Variants in ELAVL2 observed in about 807,000 individuals in gnomAD.
The protein encoded by ELAVL2 is ELAV like RNA binding protein 2.
Under a neutral mutation model 34.6 loss-of-function variants are expected in ELAVL2, and 4 were observed. The ratio of observed to expected loss-of-function variants is 0.12; its 90% CI spans 0.06 to 0.26. The LOEUF (loss-of-function observed/expected upper bound fraction) is 0.26, where lower values mean the gene tolerates loss of function less well. Among genes scored for constraint, ELAVL2 ranks in the 10% least tolerant of loss-of-function variants. The pLI is 1.00. For missense variants in ELAVL2, 432 were observed against 442.8 expected (o/e 0.98, Z 0.22); for synonymous variants, 193 against 154.8 (o/e 1.25, Z -1.83).
chr9:23,820,405 G>A (rs1469156642), intron 1 of ELAVL2, among the ~76,000 whole-genome samples: 2 of 152,144 alleles, frequency 1.3e-5, no homozygotes, highest in African/African-American at 4.8e-5. Context: ...CTTTGAGGGA[G>A]GGAATAAAGG....
At chr9:23,791,573 T>C (rs1039647818) in intron 1 of ELAVL2, among the ~76,000 whole-genome samples, 2 of 152,148 alleles carry the variant, frequency 1.3e-5, no homozygotes, top group South Asian at 2.1e-4. Flanking sequence ...TAAGGCTAAA[T>C]GAGGTCATAA....
chr9:23,755,151 C>A (rs1476512205), intron 2 of ELAVL2, among the ~76,000 whole-genome samples: 1 of 152,096 alleles, frequency 6.6e-6, no homozygotes, highest in African/African-American at 2.4e-5. Context: ...ACACAAAATA[C>A]GAGCAAAAAT....
At chr9:23,791,519 A>C (rs1344306124) in intron 1 of ELAVL2, among the ~76,000 whole-genome samples, 9 of 152,216 alleles carry the variant, frequency 5.9e-5, no homozygotes, top group Non-Finnish European at 2.9e-5. Flanking sequence ...GTAACTACAC[A>C]ACCACTCTGT....
intron 4 of ELAVL2, among the ~76,000 whole-genome samples, chr9:23,701,923 C>G (rs2037394589): frequency 6.6e-6 from 1 of 152,148 alleles, no homozygotes. Context: ...CTCCCGTACA[C>G]TCTTTTAATG....
chr9:23,714,795 G>T (rs1309573874), intron 3 of ELAVL2, among the ~76,000 whole-genome samples: 2 of 151,830 alleles, frequency 1.3e-5, no homozygotes, highest in Non-Finnish European at 2.9e-5. Flanking sequence ...GATTCAATAT[G>T]ATTTCCCAGT....
At chr9:23,705,316 G>C (rs1338591611) in intron 3 of ELAVL2, among the ~76,000 whole-genome samples, 2 of 152,136 alleles carry the variant, frequency 1.3e-5, no homozygotes, top group Admixed American at 6.5e-5. Context: ...CTAGCCTACT[G>C]CAAGGGACAG....
At chr9:23,699,812 G>GTTTTTTGTTTTTTTT (rs2036519393) in intron 5 of ELAVL2, among the ~76,000 whole-genome samples, 2 of 82,970 alleles carry the variant, frequency 2.4e-5, no homozygotes, top group Non-Finnish European at 4.7e-5. Context: ...GGTGGCAAAG[G>GTTTTTTGTTTTTTTT]TTTTTTTTTT....
At chr9:23,718,508 C>G (rs2042873710) in intron 3 of ELAVL2, among the ~76,000 whole-genome samples, 1 of 152,060 alleles carries the variant, frequency 6.6e-6, no homozygotes, top group Admixed American at 6.6e-5. Context: ...AAAGCAGTAA[C>G]AGCAAACACT....
intron 1 of ELAVL2, among the ~76,000 whole-genome samples, chr9:23,792,919 C>A (rs144826777): frequency 6.6e-6 from 1 of 152,196 alleles, no homozygotes; most frequent in African/African-American, 2.4e-5. Context: ...TACAGGCATG[C>A]ATCACCACAC....
At chr9:23,768,835 G>T (rs1392470851) in intron 1 of ELAVL2, among the ~76,000 whole-genome samples, 2 of 152,150 alleles carry the variant, frequency 1.3e-5, no homozygotes, top group Admixed American at 6.5e-5. Context: ...AAATTAAACA[G>T]ATCTTGAAGA....
At chr9:23,822,586 C>T (rs562546848) in intron 1 of ELAVL2, among the ~76,000 whole-genome samples, 3 of 152,304 alleles carry the variant, frequency 2.0e-5, no homozygotes, top group Middle Eastern at 3.4e-3. Flanking sequence ...TCCTCAGACC[C>T]GGCCCCACGG....
At chr9:23,730,676 G>C (rs1311817082) in intron 3 of ELAVL2, among the ~76,000 whole-genome samples, 2 of 152,020 alleles carry the variant, frequency 1.3e-5, no homozygotes, top group Admixed American at 6.6e-5. Flanking sequence ...GCAAAACCTT[G>C]CTTATTCACT....
At chr9:23,727,336 A>G (rs1029723581) in intron 3 of ELAVL2, among the ~76,000 whole-genome samples, 1 of 152,124 alleles carries the variant, frequency 6.6e-6, no homozygotes, top group African/African-American at 2.4e-5. Context: ...GTTGTTTTCA[A>G]TTTCTATGCC....
At chr9:23,820,901 A>AGCTGCGACCTCGCGCG (rs2064531854) in intron 1 of ELAVL2, among the ~76,000 whole-genome samples, 1 of 152,084 alleles carries the variant, frequency 6.6e-6, no homozygotes, top group Non-Finnish European at 1.5e-5. Context: ...TGTGACCGCG[A>AGCTGCGACCTCGCGCG]GCTGCGACCT....
chr9:23,701,984 G>C (rs564617770), intron 4 of ELAVL2, among the ~76,000 whole-genome samples: 2 of 152,246 alleles, frequency 1.3e-5, no homozygotes, highest in African/African-American at 4.8e-5. Flanking sequence ...TGGATAAGCA[G>C]CTCAGAAATG....
At chr9:23,750,164 T>C (rs917075900) in intron 2 of ELAVL2, among the ~76,000 whole-genome samples, 1 of 152,002 alleles carries the variant, frequency 6.6e-6, no homozygotes, top group Non-Finnish European at 1.5e-5. Flanking sequence ...AGAACTAAAA[T>C]ATCAAATAGA....
intron 1 of ELAVL2, among the ~76,000 whole-genome samples, chr9:23,805,276 C>T (rs1473511694): frequency 6.6e-6 from 1 of 152,182 alleles, no homozygotes; most frequent in African/African-American, 2.4e-5. Flanking sequence ...CCAAAGCACC[C>T]TCATGGCTAC....
At chr9:23,742,016 T>C (rs983438294) in intron 2 of ELAVL2, among the ~76,000 whole-genome samples, 1 of 152,162 alleles carries the variant, frequency 6.6e-6, no homozygotes, top group African/African-American at 2.4e-5. Flanking sequence ...GGAGGATCCA[T>C]ACTTCCTTGG....
At chr9:23,727,092 T>C (rs1241308732) in intron 3 of ELAVL2, among the ~76,000 whole-genome samples, 1 of 152,116 alleles carries the variant, frequency 6.6e-6, no homozygotes, top group Non-Finnish European at 1.5e-5. Flanking sequence ...TTTTGTAATA[T>C]TCACACTTTA....
Sources: allele counts gnomAD v4.1 joint callset (sites outside exome capture counted in the v4.1 genomes callset), GRCh38; gene constraint gnomAD v4.1.1; transcripts MANE v1.5; gene names NCBI Gene and HGNC (gene_info 2026-07-23, HGNC 2026-07-21).